The following ABLIM1 variants were observed in gnomAD, a reference collection of about 807,000 sequenced individuals.
The protein encoded by ABLIM1 is actin binding LIM protein 1, also known as actin-binding LIM protein 1.
ABLIM1 carries 40 observed loss-of-function variants against 107.0 expected under a neutral mutation model. The observed-to-expected ratio is 0.37, with a 90% CI of 0.29 to 0.49. ABLIM1 has a LOEUF of 0.49. ABLIM1 is among the 20% of genes least tolerant of loss of function. ABLIM1 has a pLI of 0.97. For synonymous variants in ABLIM1, 357 were observed against 357.3 expected, an observed-to-expected ratio of 1.00 and a Z score of 0.01; for missense variants, 857 against 1,008.5, an observed-to-expected ratio of 0.85 and a Z score of 2.04.
intron 1 of ABLIM1, among the ~76,000 whole-genome samples, chr10:114,663,732 G>A (rs2079890774): frequency 6.6e-6 from 1 of 152,216 alleles, no homozygotes; most frequent in Non-Finnish European, 1.5e-5. Flanking sequence ...TGTGGACATA[G>A]GAAGCTGTCC....
upstream of ABLIM1, among the ~76,000 whole-genome samples, chr10:114,772,778 C>T (rs2083039809): frequency 6.6e-6 from 1 of 151,998 alleles, no homozygotes; most frequent in Non-Finnish European, 1.5e-5. Flanking sequence ...TATTATAATT[C>T]CCAGATAATA....
chr10:114,514,161 C>T (rs1324695331), intron 6 of ABLIM1, among the ~76,000 whole-genome samples: 2 of 152,038 alleles, frequency 1.3e-5, no homozygotes, highest in Non-Finnish European at 2.9e-5. Context: ...CAGTGGCTCA[C>T]GCCTGTAATC....
In ABLIM1 at chr10:114,707,347, C is replaced by T. The variant is rs1047849581; in HGVS notation, c.-213+60714G>A. Reference sequence around the variant, plus strand: ...TCCCAGGTTCAAGCGATTCTCCAGCCTCAGCCTTCCGAGTAGCTGGAACTA... The same window carrying T: ...TCCCAGGTTCAAGCGATTCTCCAGCTTCAGCCTTCCGAGTAGCTGGAACTA... On this transcript the variant is annotated intron_variant, in intron 1 of 15. Coordinates refer to the ABLIM1 transcript ENST00000651092. This position sits in a 1 kb window ranked among gnomAD's most constrained non-coding sequence, Gnocchi z 4.1. 1.2e-4 allele frequency among the ~76,000 whole-genome samples: 18 copies of T among 152,268 alleles called. No individual in the cohort carries two copies. Among genetic ancestry groups the T allele is most frequent in the South Asian group, 4.2e-4 (2 of 4,816 alleles).
chr10:114,475,912 T>C (rs1480037719), intron 8 of ABLIM1, among the ~76,000 whole-genome samples: 7 of 152,136 alleles, frequency 4.6e-5, no homozygotes, highest in Admixed American at 3.3e-4. Context: ...AGTTCTACAA[T>C]AGGAATAAGA....
chr10:114,577,352 A>T (rs1028991451), intron 2 of ABLIM1, among the ~76,000 whole-genome samples: 1 of 152,174 alleles, frequency 6.6e-6, no homozygotes, highest in African/African-American at 2.4e-5. Context: ...GGATTTCTCA[A>T]AGCCCTGAGA....
chr10:114,542,873 G>C (rs994174690), intron 6 of ABLIM1, among the ~76,000 whole-genome samples: 2 of 152,230 alleles, frequency 1.3e-5, no homozygotes, highest in African/African-American at 4.8e-5. Context: ...TCCCCATCAG[G>C]TGGGTCCCAT....
chr10:114,474,043 C>T, intron 8 of ABLIM1, 87 bp from the exon 9 acceptor site: 1 of 973,526 alleles, frequency 1.0e-6, no homozygotes, highest in Non-Finnish European at 1.6e-6. Flanking sequence ...ACTAAAAACT[C>T]AGCTAGTGAA....
At position 114,619,222 on chromosome 10, in the gene ABLIM1, T is replaced by C. The variant is rs2077315571; in HGVS notation, c.245-17261A>G. Among the ~76,000 whole-genome samples the C allele has an allele frequency of 6.6e-6, 1 of 150,460 alleles. No individual in the cohort carries two copies. The stretch of plus-strand genomic sequence containing the variant: ...TCTTTTCTTTTTTTTTTTGAGACAG[T>C]GTCTTGCTCTGTCACCCAGGCTGGA... On this transcript the variant is annotated intron_variant, in intron 1 of 22. Coordinates refer to ENST00000533213, the MANE Select transcript of ABLIM1 (RefSeq NM_002313.7). This position sits in a 1 kb window ranked among gnomAD's most constrained non-coding sequence, Gnocchi z 4.1.
intron 6 of ABLIM1, among the ~76,000 whole-genome samples, chr10:114,503,430 C>G (rs1325025615): frequency 5.9e-5 from 9 of 151,364 alleles, no homozygotes; most frequent in African/African-American, 2.2e-4. Flanking sequence ...CAGCCTGGAA[C>G]AGAAAGAGAT....
intron 15 of ABLIM1, 59 bp downstream of exon 15, chr10:114,447,821 T>A (rs2061248639): frequency 6.3e-7 from 1 of 1,592,040 alleles, no homozygotes; most frequent in Admixed American, 1.7e-5. Flanking sequence ...TTTTTAAGCA[T>A]GTCATCTTGA....
chr10:114,432,422 A>C lies in ABLIM1; in HGVS notation c.*3838T>G, dbSNP rs1652511718. On this transcript the variant is annotated 3_prime_UTR_variant, in exon 23 of 23. Transcript: ENST00000533213. ...TGGAGCGGTCACCTGTCTCTTCCATACACAGGAGGATGCTAAGACCCAGTT... is the reference window on the plus strand; with the variant it reads ...TGGAGCGGTCACCTGTCTCTTCCATCCACAGGAGGATGCTAAGACCCAGTT... 1 of 152,222 alleles carries C rather than the reference A, an allele frequency of 6.6e-6. No individual in the cohort carries two copies. Among genetic ancestry groups the C allele is most frequent in the African/African-American group, 2.4e-5 (1 of 41,458 alleles). 9.4% of individuals were successfully genotyped at this position (152,222 alleles called of 1,614,324 possible).
intron 1 of ABLIM1, among the ~76,000 whole-genome samples, chr10:114,766,812 C>T (rs7902647): frequency 0.38 from 57,897 of 152,106 alleles, 12,116 homozygotes; most frequent in Non-Finnish European, 0.47. Flanking sequence ...TCCATATACA[C>T]ACCAAGTCCC....
intron 1 of ABLIM1, among the ~76,000 whole-genome samples, chr10:114,739,010 A>T (rs2082238159): frequency 6.6e-6 from 1 of 152,226 alleles, no homozygotes; most frequent in Admixed American, 6.5e-5. Context: ...AATCTCCAGA[A>T]TAGGCAGAGA....
chr10:114,630,199 TG>T (rs1316443877), intron 1 of ABLIM1, among the ~76,000 whole-genome samples: 3 of 152,172 alleles, frequency 2.0e-5, no homozygotes, highest in African/African-American at 7.2e-5. Flanking sequence ...CCCGCAAGAA[TG>T]GAATGAAGAA....
chr10:114,632,926 C>T (rs969593899), intron 1 of ABLIM1, among the ~76,000 whole-genome samples: 4 of 152,180 alleles, frequency 2.6e-5, no homozygotes, highest in African/African-American at 7.2e-5. Context: ...CACAGGGTCA[C>T]GGGCTGTCCT....
At chr10:114,551,483 T>C (rs1157712498) in intron 4 of ABLIM1, among the ~76,000 whole-genome samples, 2 of 152,034 alleles carry the variant, frequency 1.3e-5, no homozygotes, top group African/African-American at 4.8e-5. Context: ...TCTATACAAA[T>C]GAAGGACTGG....
the ABLIM1 span, among the ~76,000 whole-genome samples, chr10:114,774,039 GA>G: frequency 6.6e-6 from 1 of 151,652 alleles, no homozygotes; most frequent in African/African-American, 2.4e-5. Flanking sequence ...TTAACAAAAT[GA>G]ATGACCTTTA....
intron 4 of ABLIM1, among the ~76,000 whole-genome samples, chr10:114,554,550 G>A (rs1036515128): frequency 1.3e-5 from 2 of 152,226 alleles, no homozygotes; most frequent in African/African-American, 2.4e-5. Context: ...ATAGAATAGC[G>A]AGGCGTGGCA....
chr10:114,495,405 G>C, intron 6 of ABLIM1, among the ~76,000 whole-genome samples: 1 of 152,058 alleles, frequency 6.6e-6, no homozygotes, highest in East Asian at 1.9e-4. Flanking sequence ...TGGTGATGGT[G>C]ATGATGATAA....
Sources: gnomAD v4.1 joint callset for allele counts (sites outside exome capture counted in the v4.1 genomes callset) on GRCh38, gnomAD v4.1.1 for gene constraint, Gnocchi (gnomAD v3.1) non-coding constraint, MANE v1.5 for transcripts, NCBI Gene and HGNC (gene_info 2026-07-23, HGNC 2026-07-21) for gene names.